The following SLC12A5 variants were observed in gnomAD, a reference collection of about 807,000 sequenced individuals.
SLC12A5 encodes solute carrier family 12 member 5.
A neutral mutation model predicts 124.0 loss-of-function variants in SLC12A5; 18 were observed. The ratio of observed to expected loss-of-function variants is 0.15; its 90% confidence interval spans 0.10 to 0.22. The LOEUF is 0.22. Ranked by LOEUF, SLC12A5 falls within the 10% of genes least tolerant of loss-of-function variation. The pLI is 1.00. For synonymous variants in SLC12A5, 589 were observed against 568.0 expected (o/e 1.04, Z -0.53); for missense variants, 867 against 1,478.7 (o/e 0.59, Z 6.78).
At chr20:46,046,045 A>G (rs770974393) in intron 13 of SLC12A5, 49 bp downstream of exon 13, 2 of 1,551,636 alleles carry the variant, frequency 1.3e-6, no homozygotes, top group Non-Finnish European at 1.8e-6. Context: ...GTGTTTCTCT[A>G]TCTGAATCCT....
At chr20:46,029,732 G>T (rs6094240) in intron 1 of SLC12A5, among the ~76,000 whole-genome samples, 8,541 of 152,208 alleles carry the variant, frequency 0.056, 757 homozygotes, top group African/African-American at 0.19. Flanking sequence ...GCGGGAGGAG[G>T]GCTCCTTTCC....
downstream of SLC12A5, among the ~76,000 whole-genome samples, chr20:46,023,770 G>A (rs2084375121): frequency 6.6e-6 from 1 of 152,188 alleles, no homozygotes; most frequent in Admixed American, 6.5e-5. Flanking sequence ...GTGGATGGCA[G>A]TCGTTTTCTT....
exon 2 of SLC12A5, chr20:46,022,971 GGAGGAA>G (rs1230110895): frequency 1.1e-4 from 41 of 371,038 alleles, no homozygotes; most frequent in African/African-American, 7.0e-4. Flanking sequence ...AGGAGGAGGA[GGAGGAA>G]GAGGAGGAGG....
intron 1 of SLC12A5, among the ~76,000 whole-genome samples, chr20:46,034,208 T>C (rs978782684): frequency 6.6e-6 from 1 of 152,048 alleles, no homozygotes. Context: ...CACCCTCCCT[T>C]CCTCCCTCCC....
At chr20:46,055,592 T>C (rs2084682351) in intron 21 of SLC12A5, among the ~76,000 whole-genome samples, 1 of 151,454 alleles carries the variant, frequency 6.6e-6, no homozygotes, top group South Asian at 2.1e-4. Flanking sequence ...CTTGGGAAAA[T>C]GAGTGGTGTT....
chr20:46,044,840 C>T (rs1381339281), intron 11 of SLC12A5, 126 bp from the exon 12 acceptor site: 5 of 1,016,266 alleles, frequency 4.9e-6, no homozygotes, highest in Non-Finnish European at 7.4e-6. Context: ...CTCTGCCTCC[C>T]CTGTCACCCT....
chr20:46,024,048 C>T (rs536210396), downstream of SLC12A5, among the ~76,000 whole-genome samples: 2 of 152,166 alleles, frequency 1.3e-5, no homozygotes, highest in Non-Finnish European at 2.9e-5. Flanking sequence ...CCGGTACTCA[C>T]ACTACTTCGC....
At position 46,045,867 on chromosome 20, in the gene SLC12A5, T is replaced by C. The variant is rs1276719019; in HGVS notation, c.1570-11T>C. On this transcript the variant is annotated splice_polypyrimidine_tract_variant and intron_variant, in intron 12 of 25. Coordinates refer to ENST00000243964, the MANE Select transcript of SLC12A5 (RefSeq NM_020708.5). This position sits in a 1 kb window ranked among gnomAD's most constrained non-coding sequence, Gnocchi z 4.9. ...GAGGTCTCAGTCCCATGATGATTGC[T>C]CTTTCCCCAGGTCTTTGGCCATGGC... 7 of 1,612,482 alleles carry C rather than the reference T, an allele frequency of 4.3e-6. No homozygotes were observed. The highest frequency in any genetic ancestry group is 5.9e-6 in the Non-Finnish European group (7 of 1,178,566).
rs2084702629 is a variant in SLC12A5, at chr20:46,057,114, C to T, written c.3126-56C>T. ...GTTCGGGCTGGAAGGGCGACTGGCT[C>T]CAATCTTCTCTACCCCCCCGGCTCA... On this transcript the variant is annotated intron_variant, in intron 24 of 25. Coordinates refer to ENST00000243964, the MANE Select transcript of SLC12A5 (RefSeq NM_020708.5). This position sits in a 1 kb window ranked among gnomAD's most constrained non-coding sequence, Gnocchi z 7.1. 6.2e-7 allele frequency: 1 copy of T among 1,609,102 alleles called. No individual in the cohort carries two copies. The highest frequency in any genetic ancestry group is 1.3e-5 in the African/African-American group (1 of 74,796).
chr20:46,049,135 C>A (rs1382639272), intron 16 of SLC12A5, among the ~76,000 whole-genome samples: 1 of 152,146 alleles, frequency 6.6e-6, no homozygotes, highest in African/African-American at 2.4e-5. Context: ...TGTGAATTCC[C>A]AAATGCTCAG....
At chr20:46,033,169 C>T (rs1223443584) in intron 1 of SLC12A5, among the ~76,000 whole-genome samples, 1 of 152,140 alleles carries the variant, frequency 6.6e-6, no homozygotes, top group Non-Finnish European at 1.5e-5. Context: ...CATGCTCTGG[C>T]TGGGTGACTG....
chr20:46,029,094 C>T, upstream of SLC12A5: 3 of 1,321,644 alleles, frequency 2.3e-6, no homozygotes, highest in Non-Finnish European at 2.9e-6. Context: ...CCCCAAAACC[C>T]CGCCAGTGGC....
Position 46,053,811 on chromosome 20 carries a change from G to A in SLC12A5, c.2679+102G>A. On this transcript the variant is annotated intron_variant, in intron 20 of 25. Transcript: ENST00000243964. The surrounding 1 kb of genome is among the most constrained non-coding windows in gnomAD (Gnocchi z 4.7). Reference sequence around the variant, plus strand: ...CTAACACCCATCAGCTTATGATGCTGGATCCTTTCCCCCTCATCCATCTCT... The same window carrying A: ...CTAACACCCATCAGCTTATGATGCTAGATCCTTTCCCCCTCATCCATCTCT... 1.5e-6 allele frequency: 2 copies of A among 1,297,504 alleles called. No homozygotes were observed. Among genetic ancestry groups the A allele is most frequent in the Admixed American group, 2.6e-5 (1 of 39,096 alleles). 80.4% of individuals were successfully genotyped at this position (1,297,504 alleles called of 1,614,324 possible). A position where few individuals can be genotyped will look rare whatever the true frequency, so the allele number is the denominator to read the frequency against.
intron 21 of SLC12A5, 91 bp downstream of exon 21, chr20:46,055,114 C>G: frequency 1.2e-6 from 1 of 854,124 alleles, no homozygotes; most frequent in Non-Finnish European, 1.9e-6. Context: ...ACACTCCTGG[C>G]ATTTCAACTT....
At chr20:46,035,179 C>G in intron 2 of SLC12A5, 137 bp downstream of exon 2, 3 of 1,045,470 alleles carry the variant, frequency 2.9e-6, no homozygotes, top group East Asian at 2.4e-5. Flanking sequence ...TTGAGCCTCC[C>G]CATCCCTCCT....
chr20:46,035,131 C>T, intron 2 of SLC12A5, 89 bp downstream of exon 2: 1 of 1,296,746 alleles, frequency 7.7e-7, no homozygotes, highest in Non-Finnish European at 1.1e-6. Context: ...GGGAGCAATA[C>T]CCTCGTCTCC....
intron 17 of SLC12A5, among the ~76,000 whole-genome samples, chr20:46,050,033 G>C (rs1286266445): frequency 1.3e-5 from 2 of 152,214 alleles, no homozygotes; most frequent in Admixed American, 6.5e-5. Context: ...CTGAGGCTTA[G>C]ACAAGTCAGG....
At chr20:46,047,430 G>C (rs1463066546) in intron 14 of SLC12A5, 24 bp from the exon 15 acceptor site, 1 of 1,611,384 alleles carries the variant, frequency 6.2e-7, no homozygotes, top group Non-Finnish European at 8.5e-7. Flanking sequence ...GGGCTCAGAG[G>C]CTGGGTCTCC....
chr20:46,045,764 TTCC>T lies in SLC12A5; in HGVS notation c.1570-108_1570-106del. The T allele has an allele frequency of 2.6e-6, 2 of 773,802 alleles. No individual in the cohort carries two copies. Among genetic ancestry groups the T allele is most frequent in the Non-Finnish European group, 4.3e-6 (2 of 467,568 alleles). The allele number at this position is 773,802 out of a possible 1,614,324, so 47.9% of individuals were successfully genotyped here. Reference sequence around the variant, plus strand: ...GAGGAAGAGAAATGCATCCTCTCCCTTCCTCCTCTTTGGTGATAGGATTCCTGC... The same window carrying T: ...GAGGAAGAGAAATGCATCCTCTCCCTTCCTCTTTGGTGATAGGATTCCTGC... On this transcript the variant is annotated intron_variant, in intron 12 of 25. Coordinates refer to ENST00000243964, the MANE Select transcript of SLC12A5 (RefSeq NM_020708.5). The surrounding 1 kb of genome is among the most constrained non-coding windows in gnomAD (Gnocchi z 4.9).
Sources: allele counts gnomAD v4.1 joint callset (sites outside exome capture counted in the v4.1 genomes callset), GRCh38; gene constraint gnomAD v4.1.1; non-coding constraint Gnocchi (gnomAD v3.1); transcripts MANE v1.5; gene names NCBI Gene and HGNC (gene_info 2026-07-23, HGNC 2026-07-21).